KCNQ1: variants seen among roughly 807,000 people sequenced by gnomAD.
The protein encoded by KCNQ1 is potassium voltage-gated channel subfamily Q member 1.
In KCNQ1, 49 loss-of-function variants were observed where a neutral mutation model predicts 72.4. That is an observed-to-expected ratio of 0.68 (90% CI 0.54 to 0.86). The LOEUF (loss-of-function observed/expected upper bound fraction) is 0.86. Among genes scored for constraint, KCNQ1 ranks in the 40% least tolerant of loss-of-function variants. The probability of loss-of-function intolerance (pLI) is 0.00; values close to 1 mark genes in which losing one functional copy is unlikely to be tolerated. For synonymous variants in KCNQ1, 450 were observed against 412.6 expected, an observed-to-expected ratio of 1.09 and a Z score of -1.10; for missense variants, 790 against 945.1, an observed-to-expected ratio of 0.84 and a Z score of 2.15.
At position 2,674,778 on chromosome 11, in the gene KCNQ1, ACT is replaced by A. The variant is rs905372124; in HGVS notation, c.1514+12701_1514+12702del. ...CCAGTGCCAGACCAGCTTCCTGGAA[ACT>A]CTCGCCAACTGCTGGCCTTTGGAAA... On this transcript the variant is annotated intron_variant, in intron 11 of 15. Coordinates refer to ENST00000155840, the MANE Select transcript of KCNQ1 (RefSeq NM_000218.3). The surrounding 1 kb of genome is among the most constrained non-coding windows in gnomAD (Gnocchi z 5.9). The A allele has an allele frequency of 1.1e-4, 45 of 394,378 alleles. No homozygotes were observed. Among genetic ancestry groups the A allele is most frequent in the African/African-American group, 9.4e-4 (44 of 46,854 alleles). The allele number at this position is 394,378 out of a possible 1,614,324, so 24.4% of individuals were successfully genotyped here. A position where few individuals can be genotyped will look rare whatever the true frequency, so the allele number is the denominator to read the frequency against.
intron 11 of KCNQ1, chr11:2,697,216 T>G: frequency 2.5e-6 from 1 of 398,612 alleles, no homozygotes; most frequent in East Asian, 3.6e-5. Flanking sequence ...ATGGTAACTA[T>G]CAACAGATAG....
intron 4 of KCNQ1, 110 bp downstream of exon 4, chr11:2,571,513 T>TGGTGCCC: frequency 1.2e-6 from 1 of 854,636 alleles, no homozygotes; most frequent in Non-Finnish European, 1.9e-6. Context: ...CAAGGTGCCT[T>TGGTGCCC]GGTGCCCACT....
intron 11 of KCNQ1, among the ~76,000 whole-genome samples, chr11:2,708,996 A>C (rs1371082447): frequency 6.6e-6 from 1 of 152,068 alleles, no homozygotes; most frequent in Non-Finnish European, 1.5e-5. Flanking sequence ...TCAGAGAAGC[A>C]TATGTTTAAA....
intron 10 of KCNQ1, chr11:2,618,010 C>T (rs1161748919): frequency 4.8e-5 from 19 of 398,436 alleles, no homozygotes; most frequent in Admixed American, 8.8e-5. Flanking sequence ...TGACTGTTTC[C>T]GTTCCTGTGC....
chr11:2,666,282 G>C (rs774351801), intron 11 of KCNQ1: 4 of 398,646 alleles, frequency 1.0e-5, no homozygotes, highest in African/African-American at 4.1e-5. Context: ...GGCAGAGGGG[G>C]TGGAAAGAAG....
chr11:2,753,035 G>A (rs1846250182), intron 11 of KCNQ1, among the ~76,000 whole-genome samples: 2 of 152,274 alleles, frequency 1.3e-5, no homozygotes, highest in South Asian at 4.1e-4. Flanking sequence ...AACCACACAT[G>A]CTTAGTGTCA....
rs1849889497 is a variant in KCNQ1 at position 2,658,410 on chromosome 11, C to T, written c.1394-3551C>T. On this transcript the variant is annotated intron_variant, in intron 10 of 15. Transcript: ENST00000155840. The surrounding 1 kb of genome is among the most constrained non-coding windows in gnomAD (Gnocchi z 4.9). ...GTCCAATATTATTTATTTTGTTGCT[C>T]AAATTGTTCAAGCTGTGGCCACTGG... 5 of 398,314 alleles carry T rather than the reference C, an allele frequency of 1.3e-5. No individual in the cohort carries two copies. The highest frequency in any genetic ancestry group is 2.2e-5 in the Non-Finnish European group (5 of 226,020). 24.7% of individuals were successfully genotyped at this position (398,314 alleles called of 1,614,324 possible).
chr11:2,643,661 A>G (rs1849615359), intron 10 of KCNQ1: 1 of 398,308 alleles, frequency 2.5e-6, no homozygotes, highest in Non-Finnish European at 4.4e-6. Flanking sequence ...GTTATTGTTG[A>G]TATGTGAGGG....
chr11:2,843,381 C>G (rs1034949399), intron 15 of KCNQ1, among the ~76,000 whole-genome samples: 1 of 152,238 alleles, frequency 6.6e-6, no homozygotes, highest in African/African-American at 2.4e-5. Flanking sequence ...GCTGGTTCCT[C>G]AGGACAGACA....
At chr11:2,632,220 T>TTG (rs1849369822) in intron 10 of KCNQ1, 1 of 398,232 alleles carries the variant, frequency 2.5e-6, no homozygotes, top group Non-Finnish European at 4.4e-6. Context: ...CAACTGAATT[T>TTG]TGTGTACTGA....
At chr11:2,528,404 C>T (rs1302847684) in intron 2 of KCNQ1, among the ~76,000 whole-genome samples, 2 of 152,230 alleles carry the variant, frequency 1.3e-5, no homozygotes, top group Non-Finnish European at 1.5e-5. Context: ...ATGGCTGGCA[C>T]ACAGGCCCTG....
rs1850708519 is a variant in KCNQ1, at chr11:2,698,083, C to T, written c.1514+36002C>T. On this transcript the variant is annotated intron_variant, in intron 11 of 15. Coordinates refer to ENST00000155840, the MANE Select transcript of KCNQ1 (RefSeq NM_000218.3). This position sits in a 1 kb window ranked among gnomAD's most constrained non-coding sequence, Gnocchi z 5.1. ...CTGCCTGCCTGCTTTCCTTCAAGTA[C>T]TGACTGAGTAAGGCTGTGTATCAGG... is the stretch of plus-strand genomic sequence containing the variant. 2.5e-5 allele frequency: 10 copies of T among 398,518 alleles called. No homozygotes were observed. Among genetic ancestry groups the T allele is most frequent in the Non-Finnish European group, 4.4e-5 (10 of 226,076 alleles). The allele number at this position is 398,518 out of a possible 1,614,324, so 24.7% of individuals were successfully genotyped here. A position where few individuals can be genotyped will look rare whatever the true frequency, so the allele number is the denominator to read the frequency against.
chr11:2,757,109 T>G (rs1228033693), intron 11 of KCNQ1, among the ~76,000 whole-genome samples: 2 of 152,052 alleles, frequency 1.3e-5, no homozygotes, highest in Non-Finnish European at 2.9e-5. Flanking sequence ...TTCCAGCCAC[T>G]GCAATAAGAC....
At chr11:2,793,250 A>T (rs1847066409) in intron 15 of KCNQ1, among the ~76,000 whole-genome samples, 1 of 152,236 alleles carries the variant, frequency 6.6e-6, no homozygotes, top group Admixed American at 6.5e-5. Flanking sequence ...GAGAGGGACC[A>T]TATCCAATAA....
intron 11 of KCNQ1, among the ~76,000 whole-genome samples, chr11:2,727,064 T>C (rs767739370): frequency 6.6e-6 from 1 of 152,218 alleles, no homozygotes; most frequent in African/African-American, 2.4e-5. Context: ...TCCTCTGCCC[T>C]GTTAGGTTTG....
chr11:2,456,807 T>C (rs60404945), intron 1 of KCNQ1, among the ~76,000 whole-genome samples: 43,975 of 125,044 alleles, frequency 0.35, 11,066 homozygotes, highest in African/African-American at 0.71. Context: ...GGCGTGGGGG[T>C]GGGCGCCTGT....
At position 2,536,014 on chromosome 11, in the gene KCNQ1, T is replaced by G. The variant is rs1376909727; in HGVS notation, c.477+7996T>G. The stretch of plus-strand genomic sequence containing the variant: ...ATGGCATGAAGACCCGGTGGTTCTG[T>G]TCCCCCGGGACAGCCTTGGTCCAGC... On this transcript the variant is annotated intron_variant, in intron 2 of 15. Coordinates refer to ENST00000155840, the MANE Select transcript of KCNQ1 (RefSeq NM_000218.3). The surrounding 1 kb of genome is among the most constrained non-coding windows in gnomAD (Gnocchi z 7.4). 6.6e-6 allele frequency among the ~76,000 whole-genome samples: 1 copy of G among 152,132 alleles called. No individual in the cohort carries two copies. Among genetic ancestry groups the G allele is most frequent in the African/African-American group, 2.4e-5 (1 of 41,444 alleles).
Position 2,721,754 on chromosome 11 carries a change from C to T in KCNQ1, c.1515-47090C>T, listed in dbSNP as rs140382455. Reference sequence around the variant, plus strand: ...ACAGCAGCGGTGGTGATGGTCCCCTCGGCCTGCCTGGCCTGCAGCAGCCCT... The same window carrying T: ...ACAGCAGCGGTGGTGATGGTCCCCTTGGCCTGCCTGGCCTGCAGCAGCCCT... On this transcript the variant is annotated intron_variant, in intron 11 of 15. Transcript: ENST00000155840. 4.0e-3 allele frequency among the ~76,000 whole-genome samples: 615 copies of T among 152,316 alleles called. 3 individuals are homozygous for T. The highest frequency in any genetic ancestry group is 0.014 in the African/African-American group (597 of 41,572).
chr11:2,519,634 ACAAAACAAAAAAC>A (rs1847346532), intron 1 of KCNQ1, among the ~76,000 whole-genome samples: 1 of 152,044 alleles, frequency 6.6e-6, no homozygotes, highest in African/African-American at 2.4e-5. Context: ...ACAAAACAAA[ACAAAACAAAAAAC>A]CAAAAAACAA....
Sources: gnomAD v4.1 joint callset for allele counts (sites outside exome capture counted in the v4.1 genomes callset) on GRCh38, gnomAD v4.1.1 for gene constraint, Gnocchi (gnomAD v3.1) non-coding constraint, MANE v1.5 for transcripts, NCBI Gene and HGNC (gene_info 2026-07-23, HGNC 2026-07-21) for gene names.